The following NRG1 variants were observed in gnomAD, a reference collection of about 807,000 sequenced individuals.
NRG1 encodes pro-neuregulin-1, membrane-bound isoform.
Under a neutral mutation model 63.8 loss-of-function variants are expected in NRG1, and 18 were observed. The observed-to-expected ratio is 0.28, with a 90% CI of 0.19 to 0.42. NRG1 has a LOEUF of 0.42. NRG1 is among the 10% of genes least tolerant of loss of function. NRG1 has a pLI of 1.00. For synonymous variants in NRG1, 302 were observed against 301.3 expected (o/e 1.00, Z -0.02); for missense variants, 762 against 814.7 (o/e 0.94, Z 0.79).
chr8:32,203,225 G>A (rs1472025204), intron 1 of NRG1, among the ~76,000 whole-genome samples: 1 of 144,824 alleles, frequency 6.9e-6, no homozygotes, highest in Non-Finnish European at 1.5e-5. Flanking sequence ...GGACTAGATG[G>A]AGGTAAGGGA....
chr8:31,810,412 C>T (rs943721614), intron 1 of NRG1, among the ~76,000 whole-genome samples: 1 of 152,162 alleles, frequency 6.6e-6, no homozygotes, highest in African/African-American at 2.4e-5. Context: ...AGCCATATGA[C>T]ATCAAGGTCC....
intron 1 of NRG1, among the ~76,000 whole-genome samples, chr8:31,669,685 T>A (rs1806920655): frequency 6.6e-6 from 1 of 152,242 alleles, no homozygotes; most frequent in African/African-American, 2.4e-5. Flanking sequence ...TGAATTTATA[T>A]GCTACTGATA....
chr8:32,521,521 C>T (rs1230360027), intron 1 of NRG1, among the ~76,000 whole-genome samples: 1 of 151,976 alleles, frequency 6.6e-6, no homozygotes, highest in Non-Finnish European at 1.5e-5. Context: ...TACAGAAGTG[C>T]TCAAAAGAGT....
At chr8:32,375,374 C>T (rs1226751472) in intron 1 of NRG1, among the ~76,000 whole-genome samples, 1 of 152,054 alleles carries the variant, frequency 6.6e-6, no homozygotes, top group Non-Finnish European at 1.5e-5. Context: ...GGTGATAGAA[C>T]CACACCATTT....
intron 1 of NRG1, among the ~76,000 whole-genome samples, chr8:31,718,670 TCAA>T (rs764506630): frequency 6.6e-6 from 1 of 152,178 alleles, no homozygotes; most frequent in Non-Finnish European, 1.5e-5. Flanking sequence ...ATATAACATT[TCAA>T]CAACAGAAGC....
At chr8:32,069,635 T>C (rs917574319) in intron 1 of NRG1, among the ~76,000 whole-genome samples, 3 of 152,112 alleles carry the variant, frequency 2.0e-5, no homozygotes, top group African/African-American at 7.2e-5. Context: ...GAATGGGACC[T>C]TTTTGGAAGA....
At chr8:32,164,483 C>T (rs1839196836) in intron 1 of NRG1, among the ~76,000 whole-genome samples, 1 of 152,132 alleles carries the variant, frequency 6.6e-6, no homozygotes, top group African/African-American at 2.4e-5. Context: ...TGTTCCCAGA[C>T]ATTTAGGTTT....
chr8:32,028,802 A>G (rs939707140), intron 1 of NRG1, among the ~76,000 whole-genome samples: 1 of 152,186 alleles, frequency 6.6e-6, no homozygotes, highest in African/African-American at 2.4e-5. Context: ...GGAAAGGGGA[A>G]CATGAGATAT....
intron 1 of NRG1, among the ~76,000 whole-genome samples, chr8:31,931,426 C>A (rs547677396): frequency 2.0e-5 from 3 of 152,122 alleles, no homozygotes; most frequent in African/African-American, 7.2e-5. Context: ...AACTGTGTGA[C>A]CTTGGGCAAG....
chr8:32,586,098 C>T (rs1184516836), intron 1 of NRG1, among the ~76,000 whole-genome samples: 1 of 144,790 alleles, frequency 6.9e-6, no homozygotes, highest in African/African-American at 2.5e-5. Context: ...CAATGCCTGG[C>T]ACATAGTAGG....
chr8:32,087,150 G>T (rs541065278), intron 1 of NRG1, among the ~76,000 whole-genome samples: 1 of 152,054 alleles, frequency 6.6e-6, no homozygotes, highest in African/African-American at 2.4e-5. Context: ...TCTCCAAATC[G>T]CATGTAGAAA....
intron 1 of NRG1, among the ~76,000 whole-genome samples, chr8:31,957,945 T>G (rs1038821117): frequency 1.3e-5 from 2 of 152,120 alleles, no homozygotes; most frequent in African/African-American, 4.8e-5. Context: ...TGCATGACAT[T>G]TAGTTGAAGG....
intron 1 of NRG1, among the ~76,000 whole-genome samples, chr8:31,701,064 T>C (rs560861124): frequency 6.6e-6 from 1 of 152,276 alleles, no homozygotes; most frequent in African/African-American, 2.4e-5. Context: ...GTATTATTAG[T>C]CATGTGAATT....
intron 1 of NRG1, among the ~76,000 whole-genome samples, chr8:31,992,233 G>A (rs1397730079): frequency 1.3e-5 from 2 of 151,894 alleles, no homozygotes; most frequent in African/African-American, 4.8e-5. Flanking sequence ...ACAGAAAATG[G>A]GAGGAATTCA....
At chr8:32,134,575 A>T (rs946901496) in intron 1 of NRG1, among the ~76,000 whole-genome samples, 1 of 152,200 alleles carries the variant, frequency 6.6e-6, no homozygotes, top group Non-Finnish European at 1.5e-5. Context: ...AATATTTATC[A>T]TGCCAAGTAC....
intron 1 of NRG1, among the ~76,000 whole-genome samples, chr8:32,011,843 A>T (rs1400682017): frequency 6.6e-6 from 1 of 152,038 alleles, no homozygotes; most frequent in Admixed American, 6.6e-5. Context: ...CTTTTTCACT[A>T]TTTTATTCAT....
chr8:32,746,770 C>T (rs1409100626), intron 7 of NRG1, among the ~76,000 whole-genome samples: 2 of 151,580 alleles, frequency 1.3e-5, no homozygotes, highest in Admixed American at 6.6e-5. Context: ...CAATAGGAAG[C>T]ATGTGATTCT....
chr8:31,830,397 C>T (rs550502298), intron 1 of NRG1, among the ~76,000 whole-genome samples: 5 of 145,344 alleles, frequency 3.4e-5, no homozygotes, highest in African/African-American at 1.3e-4. Flanking sequence ...CTCCTTCTTT[C>T]CTTCTGTAAC....
intron 1 of NRG1, among the ~76,000 whole-genome samples, chr8:32,507,831 G>T (rs1171751461): frequency 6.6e-6 from 1 of 152,032 alleles, no homozygotes; most frequent in African/African-American, 2.4e-5. Context: ...CCAAGTAGCT[G>T]GGATTACAGG....
Sources: gnomAD v4.1 joint callset for allele counts (sites outside exome capture counted in the v4.1 genomes callset) on GRCh38, gnomAD v4.1.1 for gene constraint, MANE v1.5 for transcripts, NCBI Gene and HGNC (gene_info 2026-07-23, HGNC 2026-07-21) for gene names.